The following DPYD variants were observed in gnomAD, a reference collection of about 807,000 sequenced individuals.
The protein encoded by DPYD is dihydropyrimidine dehydrogenase [NADP(+)].
A neutral mutation model predicts 116.2 loss-of-function variants in DPYD; 109 were observed. The observed-to-expected ratio is 0.94, with a 90% confidence interval of 0.80 to 1.10. DPYD has a LOEUF of 1.10. Among genes scored for constraint, DPYD ranks in the 50% least tolerant of loss-of-function variants. DPYD has a pLI of 0.00. For synonymous variants in DPYD, 440 were observed against 432.0 expected, an observed-to-expected ratio of 1.02 and a Z score of -0.23; for missense variants, 1,302 against 1,254.5, an observed-to-expected ratio of 1.04 and a Z score of -0.57.
chr1:97,799,217 G>T (rs1667734065), intron 3 of DPYD, among the ~76,000 whole-genome samples: 1 of 151,700 alleles, frequency 6.6e-6, no homozygotes, highest in African/African-American at 2.4e-5. Flanking sequence ...ACCTCCTCTA[G>T]CCCTATAGAA....
chr1:97,193,166 C>T lies in DPYD; in HGVS notation c.2525G>A (p.Ser842Asn). 1.9e-6 allele frequency: 3 copies of T among 1,614,044 alleles called. No individual in the cohort carries two copies. Among genetic ancestry groups the T allele is most frequent in the Non-Finnish European group, 2.5e-6 (3 of 1,179,974 alleles). ...ATCCCAGTCTTGTAGTTCTTCAATG[C>T]TTTTCAGATAAAGCAGGGCTTTGAG... ...TGLKALLYLK[S>N]IEELQDWDGQ... Residue 842 changes from serine (S) to asparagine (N), a missense_variant, in exon 20 of 23, where the codon AGC becomes AAC. Coordinates refer to ENST00000370192, the MANE Select transcript of DPYD (RefSeq NM_000110.4).
chr1:97,170,320 C>A (rs1570594029), intron 20 of DPYD, among the ~76,000 whole-genome samples: 1 of 152,104 alleles, frequency 6.6e-6, no homozygotes, highest in East Asian at 1.9e-4. Flanking sequence ...TGCCTGGTAC[C>A]CTGGACAGTA....
At chr1:97,552,448 T>A (rs547450166) in intron 11 of DPYD, among the ~76,000 whole-genome samples, 1 of 152,248 alleles carries the variant, frequency 6.6e-6, no homozygotes, top group Admixed American at 6.5e-5. Context: ...AGTAACTTTA[T>A]GTTTCTTAAA....
chr1:97,902,981 A>C (rs1673436965), intron 1 of DPYD, among the ~76,000 whole-genome samples: 1 of 151,902 alleles, frequency 6.6e-6, no homozygotes, highest in Non-Finnish European at 1.5e-5. Flanking sequence ...AAAGATATAA[A>C]CATTATTCCA....
At chr1:97,835,085 C>G (rs1669704446) in intron 2 of DPYD, among the ~76,000 whole-genome samples, 1 of 151,918 alleles carries the variant, frequency 6.6e-6, no homozygotes, top group African/African-American at 2.4e-5. Context: ...TAATTGTGGC[C>G]AGCTTACAAT....
chr1:97,211,917 A>G (rs1401134502), intron 19 of DPYD, among the ~76,000 whole-genome samples: 2 of 152,088 alleles, frequency 1.3e-5, no homozygotes, highest in African/African-American at 4.8e-5. Flanking sequence ...TAGAACTCCT[A>G]AGCATGAGTG....
chr1:97,130,482 T>C (rs1322204615), intron 20 of DPYD, among the ~76,000 whole-genome samples: 2 of 152,124 alleles, frequency 1.3e-5, no homozygotes, highest in African/African-American at 4.8e-5. Flanking sequence ...CATTAGTTAC[T>C]AGGCTGCTCA....
intron 16 of DPYD, among the ~76,000 whole-genome samples, chr1:97,308,086 G>A (rs752255125): frequency 6.6e-6 from 1 of 151,742 alleles, no homozygotes; most frequent in Non-Finnish European, 1.5e-5. Flanking sequence ...CTTCCAAGTG[G>A]CTTTCAATAC....
chr1:97,647,595 G>T (rs1658342175), intron 8 of DPYD, among the ~76,000 whole-genome samples: 1 of 151,774 alleles, frequency 6.6e-6, no homozygotes, highest in African/African-American at 2.4e-5. Context: ...ATAATATTGA[G>T]CATAATTTCA....
At chr1:97,836,856 C>T (rs1669794704) in intron 2 of DPYD, among the ~76,000 whole-genome samples, 1 of 151,814 alleles carries the variant, frequency 6.6e-6, no homozygotes, top group African/African-American at 2.4e-5. Flanking sequence ...AAAAAATATG[C>T]CTAAGATTTC....
chr1:97,486,321 C>T (rs1176007966), intron 13 of DPYD, among the ~76,000 whole-genome samples: 1 of 152,068 alleles, frequency 6.6e-6, no homozygotes, highest in African/African-American at 2.4e-5. Flanking sequence ...CTGAAGAGAA[C>T]ACTCAATTTT....
At chr1:97,358,779 A>G (rs1670556184) in intron 16 of DPYD, among the ~76,000 whole-genome samples, 1 of 152,186 alleles carries the variant, frequency 6.6e-6, no homozygotes, top group African/African-American at 2.4e-5. Context: ...AACAAAAAGG[A>G]CATCTACACC....
chr1:97,743,383 T>C (rs1664372087), intron 3 of DPYD, among the ~76,000 whole-genome samples: 2 of 152,116 alleles, frequency 1.3e-5, no homozygotes, highest in South Asian at 2.1e-4. Context: ...CTCTGACAGC[T>C]CAGTAATTAC....
intron 1 of DPYD, among the ~76,000 whole-genome samples, chr1:97,892,258 C>T (rs1367825114): frequency 1.3e-5 from 2 of 151,682 alleles, no homozygotes; most frequent in Non-Finnish European, 2.9e-5. Flanking sequence ...GTATTTGTTG[C>T]CTTATCCAGG....
intron 12 of DPYD, among the ~76,000 whole-genome samples, chr1:97,537,933 G>A (rs901138292): frequency 6.6e-6 from 1 of 152,176 alleles, no homozygotes; most frequent in African/African-American, 2.4e-5. Context: ...TGGGCGTGGT[G>A]GCATATGCCT....
intron 4 of DPYD, among the ~76,000 whole-genome samples, chr1:97,738,641 T>C (rs1664091429): frequency 6.6e-6 from 1 of 152,028 alleles, no homozygotes; most frequent in Non-Finnish European, 1.5e-5. Context: ...AACAACAGTC[T>C]TTGACCTTTT....
chr1:97,353,896 T>C (rs1323012056), intron 16 of DPYD, among the ~76,000 whole-genome samples: 1 of 152,202 alleles, frequency 6.6e-6, no homozygotes, highest in African/African-American at 2.4e-5. Flanking sequence ...AAAATTCTTC[T>C]TTGAGAGGCA....
chr1:97,100,147 T>C (rs568233757), intron 20 of DPYD, among the ~76,000 whole-genome samples: 2 of 152,220 alleles, frequency 1.3e-5, no homozygotes, highest in African/African-American at 4.8e-5. Context: ...TCCATTTTGC[T>C]ATAAAACAAG....
chr1:97,417,487 T>C (rs1470303484), intron 14 of DPYD, among the ~76,000 whole-genome samples: 1 of 152,196 alleles, frequency 6.6e-6, no homozygotes, highest in Non-Finnish European at 1.5e-5. Flanking sequence ...TTTCAACAAA[T>C]AACATACTCT....
Sources: allele counts gnomAD v4.1 joint callset (sites outside exome capture counted in the v4.1 genomes callset), GRCh38; gene constraint gnomAD v4.1.1; transcripts MANE v1.5; gene names NCBI Gene and HGNC (gene_info 2026-07-23, HGNC 2026-07-21).